Variants in PLEKHA5 observed in about 807,000 individuals in gnomAD.
PLEKHA5 encodes the protein pleckstrin homology domain containing A5.
In PLEKHA5, 55 loss-of-function variants were observed where a neutral mutation model predicts 181.9. That is an observed-to-expected ratio of 0.30 (90% CI 0.24 to 0.38). The LOEUF is 0.38. Among genes scored for constraint, PLEKHA5 ranks in the 10% least tolerant of loss-of-function variants. The pLI is 1.00. For missense variants in PLEKHA5, 1,432 were observed against 1,549.5 expected (o/e 0.92, Z 1.27); for synonymous variants, 535 against 529.4 (o/e 1.01, Z -0.15).
At chr12:19,294,623 A>G (rs1405710003) in intron 15 of PLEKHA5, among the ~76,000 whole-genome samples, 3 of 152,196 alleles carry the variant, frequency 2.0e-5, no homozygotes, top group South Asian at 2.1e-4. Context: ...AGGTATTACA[A>G]TAATCAAAAG....
intron 12 of PLEKHA5, among the ~76,000 whole-genome samples, chr12:19,284,150 C>A (rs1178128180): frequency 6.6e-6 from 1 of 152,162 alleles, no homozygotes; most frequent in Non-Finnish European, 1.5e-5. Context: ...CTCACTGCAA[C>A]CTCTGCCTCC....
At chr12:19,134,919 C>T (rs919877964) in intron 3 of PLEKHA5, among the ~76,000 whole-genome samples, 2 of 152,076 alleles carry the variant, frequency 1.3e-5, no homozygotes, top group African/African-American at 4.8e-5. Context: ...TATAGTTTTT[C>T]ATTGTCATTT....
At chr12:19,236,597 G>T (rs546396580) in intron 3 of PLEKHA5, among the ~76,000 whole-genome samples, 9 of 152,090 alleles carry the variant, frequency 5.9e-5, no homozygotes, top group South Asian at 2.1e-4. Flanking sequence ...TTTAGTTGGG[G>T]TGCTTACAGT....
At chr12:19,187,638 A>G (rs535209875) in intron 3 of PLEKHA5, among the ~76,000 whole-genome samples, 1 of 152,178 alleles carries the variant, frequency 6.6e-6, no homozygotes. Flanking sequence ...ATCCTACTGG[A>G]TATAAAAGTC....
chr12:19,353,448 C>T (rs561906573), intron 25 of PLEKHA5, among the ~76,000 whole-genome samples: 4 of 152,086 alleles, frequency 2.6e-5, no homozygotes, highest in African/African-American at 7.2e-5. Context: ...TGAGTCACCA[C>T]GCCCAGCCTG....
At position 19,361,679 on chromosome 12, in the gene PLEKHA5, A is replaced by G; in HGVS notation, c.3581A>G (p.Asp1194Gly). 1.2e-6 allele frequency: 2 copies of G among 1,601,052 alleles called. No individual in the cohort carries two copies. Among genetic ancestry groups the G allele is most frequent in the Non-Finnish European group, 8.5e-7 (1 of 1,172,030 alleles). ...VEMMDKERNKDKMPEDVTFSP... is the reference protein window; with the variant it reads ...VEMMDKERNKGKMPEDVTFSP... The stretch of plus-strand genomic sequence containing the variant: ...ATGATGGATAAAGAAAGAAACAAAG[A>G]CAAAATGCCTGAGGATGTTACATTC... The change falls in exon 29 of 32, where the codon GAC becomes GGC. Residue 1194 changes from aspartate to glycine, a missense_variant. Physicochemically the swap from Asp to Gly is moderately conservative, Grantham distance 94 (BLOSUM62 -1). Coordinates refer to ENST00000429027, the MANE Select transcript of PLEKHA5 (RefSeq NM_001256470.2).
intron 22 of PLEKHA5, 106 bp downstream of exon 22, chr12:19,343,540 T>C: frequency 1.4e-6 from 1 of 716,472 alleles, no homozygotes; most frequent in East Asian, 2.7e-5. Flanking sequence ...GTGATTGTGT[T>C]GTACAATCAG....
At chr12:19,185,171 A>G (rs1448026827) in intron 3 of PLEKHA5, among the ~76,000 whole-genome samples, 1 of 151,532 alleles carries the variant, frequency 6.6e-6, no homozygotes, top group Non-Finnish European at 1.5e-5. Context: ...TGATACAGAG[A>G]TGGCGTACAT....
chr12:19,148,632 G>T (rs2039556646), intron 3 of PLEKHA5, among the ~76,000 whole-genome samples: 1 of 152,232 alleles, frequency 6.6e-6, no homozygotes, highest in African/African-American at 2.4e-5. Context: ...TGAATGAGAA[G>T]AGGAGGTAAC....
intron 3 of PLEKHA5, among the ~76,000 whole-genome samples, chr12:19,188,950 G>A: frequency 6.6e-6 from 1 of 152,156 alleles, no homozygotes; most frequent in East Asian, 1.9e-4. Context: ...GGGTTACAGT[G>A]ATGAATAAAA....
chr12:19,358,479 T>G, intron 27 of PLEKHA5, 42 bp downstream of exon 27: 2 of 1,341,720 alleles, frequency 1.5e-6, no homozygotes, highest in Non-Finnish European at 2.1e-6. Flanking sequence ...GTAAATCTAG[T>G]ATCACTGAAT....
intron 15 of PLEKHA5, chr12:19,307,075 C>A: frequency 4.8e-6 from 6 of 1,249,548 alleles, no homozygotes; most frequent in African/African-American, 1.5e-5. Flanking sequence ...AATCTGTTGC[C>A]ACAGATAGTT....
chr12:19,154,309 T>C (rs2041170865), intron 3 of PLEKHA5: 1 of 152,190 alleles, frequency 6.6e-6, no homozygotes. Flanking sequence ...TTATAAACTT[T>C]TTTTTAACTT....
intron 28 of PLEKHA5, among the ~76,000 whole-genome samples, chr12:19,360,615 AAAAAAG>A (rs920948507): frequency 1.3e-5 from 2 of 151,866 alleles, no homozygotes; most frequent in African/African-American, 4.8e-5. Flanking sequence ...CAAAAAAAAG[AAAAAAG>A]AAAAAGAAAA....
At chr12:19,337,290 C>T (rs999109493) in intron 21 of PLEKHA5, among the ~76,000 whole-genome samples, 3 of 152,078 alleles carry the variant, frequency 2.0e-5, no homozygotes, top group African/African-American at 4.8e-5. Context: ...TAGTGGCTCA[C>T]GCCTATAGTC....
chr12:19,176,927 G>A lies in PLEKHA5; in HGVS notation c.227+44477G>A, dbSNP rs1009537953. Among the ~76,000 whole-genome samples the A allele has an allele frequency of 2.6e-5, 4 of 152,018 alleles. No homozygotes were observed. The East Asian group carries it at 7.8e-4, about 30-fold the overall frequency. ...TCGCCAGGCTGGAGTGGAGTGGCAC[G>A]ATCTTGGCTCACTGGAACCTCTGAC... is the stretch of plus-strand genomic sequence containing the variant. On this transcript the variant is annotated intron_variant, in intron 3 of 31. Transcript: ENST00000429027.
intron 16 of PLEKHA5, among the ~76,000 whole-genome samples, chr12:19,316,433 G>T (rs1040795226): frequency 6.7e-6 from 1 of 149,570 alleles, no homozygotes. Context: ...GGGCTGAGGG[G>T]GGGGAAAGTG....
At chr12:19,276,466 A>G (rs1473427372) in intron 11 of PLEKHA5, among the ~76,000 whole-genome samples, 1 of 152,160 alleles carries the variant, frequency 6.6e-6, no homozygotes, top group African/African-American at 2.4e-5. Context: ...CAAGGCGGGC[A>G]GTTCAGTTGA....
chr12:19,303,815 CTTTTTTTTTTTT>C, intron 15 of PLEKHA5: 1 of 107,542 alleles, frequency 9.3e-6, no homozygotes, highest in East Asian at 3.2e-4. Flanking sequence ...TTTCTTTGAG[CTTTTTTTTTTTT>C]TTTTTTTTTC....
Sources: allele counts gnomAD v4.1 joint callset (sites outside exome capture counted in the v4.1 genomes callset), GRCh38; gene constraint gnomAD v4.1.1; transcripts MANE v1.5; gene names NCBI Gene and HGNC (gene_info 2026-07-23, HGNC 2026-07-21).